HEATR5B: variants seen among roughly 807,000 people sequenced by gnomAD.
HEATR5B encodes the protein HEAT repeat containing 5B, also known as HEAT repeat-containing protein 5B.
HEATR5B carries 156 observed loss-of-function variants against 224.1 expected under a neutral mutation model. The ratio of observed to expected loss-of-function variants is 0.70; its 90% CI spans 0.61 to 0.80. The LOEUF (loss-of-function observed/expected upper bound fraction) is 0.80. Among genes scored for constraint, HEATR5B ranks in the 30% least tolerant of loss-of-function variants. The probability of loss-of-function intolerance (pLI) is 0.00; values close to 1 mark genes in which losing one functional copy is unlikely to be tolerated. For synonymous variants in HEATR5B, 1,027 were observed against 893.0 expected (o/e 1.15, Z -2.68); for missense variants, 2,323 against 2,535.5 (o/e 0.92, Z 1.80).
At chr2:36,984,218 A>AAAAAAAAAAAAAAAC (rs1665790460) in intron 35 of HEATR5B, among the ~76,000 whole-genome samples, 1 of 97,302 alleles carries the variant, frequency 1.0e-5, no homozygotes, top group Non-Finnish European at 2.1e-5. Flanking sequence ...AAAAAAAAAT[A>AAAAAAAAAAAAAAAC]TATATATATA....
At chr2:36,997,716 G>A (rs953749286) in intron 33 of HEATR5B, among the ~76,000 whole-genome samples, 7 of 152,010 alleles carry the variant, frequency 4.6e-5, no homozygotes, top group African/African-American at 7.2e-5. Context: ...ACAGGCGCCC[G>A]CCACCACGCC....
chr2:36,985,239 A>C lies in HEATR5B; in HGVS notation c.5911+3407T>G, dbSNP rs558643588. 9.2e-5 allele frequency among the ~76,000 whole-genome samples: 14 copies of C among 152,288 alleles called. No homozygotes were observed. In the East Asian group the frequency reaches 2.7e-3, roughly 29 times the overall value. ...TGATTTACATTCATTCATTTATTTGATGGTATCCTCCTAATGAGTGTCATC... is the reference window on the plus strand; with the variant it reads ...TGATTTACATTCATTCATTTATTTGCTGGTATCCTCCTAATGAGTGTCATC... On this transcript the variant is annotated intron_variant, in intron 35 of 35. Coordinates refer to ENST00000233099, the MANE Select transcript of HEATR5B (RefSeq NM_019024.3).
chr2:36,988,141 GA>G (rs534046896), intron 35 of HEATR5B, among the ~76,000 whole-genome samples: 89 of 143,916 alleles, frequency 6.2e-4, no homozygotes, highest in East Asian at 3.0e-3. Context: ...TACATTCCTA[GA>G]AAAAAAAAAA....
intron 8 of HEATR5B, among the ~76,000 whole-genome samples, chr2:37,066,843 A>G (rs1471816737): frequency 6.6e-6 from 1 of 152,158 alleles, no homozygotes; most frequent in East Asian, 1.9e-4. Flanking sequence ...AGACTAGGAT[A>G]TAATGGATTA....
At chr2:37,003,756 C>T in intron 30 of HEATR5B, 70 bp from the exon 31 acceptor site, 1 of 1,074,450 alleles carries the variant, frequency 9.3e-7, no homozygotes, top group Non-Finnish European at 1.3e-6. Context: ...TTGTTAAAAT[C>T]TGAGAAAATA....
At chr2:37,052,031 C>G (rs920603771) in intron 17 of HEATR5B, among the ~76,000 whole-genome samples, 3 of 152,206 alleles carry the variant, frequency 2.0e-5, no homozygotes, top group African/African-American at 7.2e-5. Context: ...TAAGCCACCA[C>G]GCCCAGCCCC....
intron 24 of HEATR5B, among the ~76,000 whole-genome samples, chr2:37,023,384 T>C (rs1668581397): frequency 6.6e-6 from 1 of 152,222 alleles, no homozygotes. Context: ...GAAGTTTTTG[T>C]TGTCACTGTT....
chr2:36,982,261 C>T (rs1401345600), intron 35 of HEATR5B, among the ~76,000 whole-genome samples: 1 of 151,986 alleles, frequency 6.6e-6, no homozygotes, highest in Non-Finnish European at 1.5e-5. Context: ...TTCATCATCC[C>T]CCAAAACTCA....
At chr2:37,020,335 A>T (rs1268170052) in intron 25 of HEATR5B, among the ~76,000 whole-genome samples, 2 of 152,102 alleles carry the variant, frequency 1.3e-5, no homozygotes, top group East Asian at 3.8e-4. Flanking sequence ...AATCCACAAC[A>T]CTCTTTTGAA....
At chr2:37,032,837 G>T in intron 21 of HEATR5B, 64 bp from the exon 22 acceptor site, 2 of 1,394,422 alleles carry the variant, frequency 1.4e-6, no homozygotes, top group Admixed American at 2.0e-5. Flanking sequence ...AATCTTATTT[G>T]CCCAATGAAT....
intron 29 of HEATR5B, 127 bp downstream of exon 29, chr2:37,006,923 A>G: frequency 1.2e-6 from 1 of 817,858 alleles, no homozygotes; most frequent in Non-Finnish European, 1.8e-6. Context: ...AGGTGAGGTG[A>G]AAAATCCTTT....
chr2:37,012,395 T>A (rs947997190), intron 27 of HEATR5B, among the ~76,000 whole-genome samples: 4 of 148,062 alleles, frequency 2.7e-5, no homozygotes, highest in South Asian at 2.1e-4. Flanking sequence ...ATTAATTAAA[T>A]TTTTTTTTTT....
At chr2:37,079,538 C>T (rs529065243) in intron 2 of HEATR5B, among the ~76,000 whole-genome samples, 30 of 152,148 alleles carry the variant, frequency 2.0e-4, no homozygotes, top group Admixed American at 5.2e-4. Flanking sequence ...CTCCTTCATG[C>T]TCCTCCAAAG....
At chr2:36,993,375 A>G (rs1666466768) in intron 33 of HEATR5B, among the ~76,000 whole-genome samples, 1 of 152,016 alleles carries the variant, frequency 6.6e-6, no homozygotes, top group East Asian at 1.9e-4. Flanking sequence ...CATCTCTACT[A>G]AAAATACAAA....
chr2:37,069,793 G>A (rs1019122597), intron 7 of HEATR5B, among the ~76,000 whole-genome samples: 11 of 151,916 alleles, frequency 7.2e-5, no homozygotes, highest in African/African-American at 7.3e-5. Flanking sequence ...TCATTCATTC[G>A]GTAAAAGAAA....
chr2:37,007,324 A>G lies in HEATR5B; in HGVS notation c.4523-20T>C, dbSNP rs745877279. On this transcript the variant is annotated intron_variant, in intron 28 of 35. Coordinates refer to ENST00000233099, the MANE Select transcript of HEATR5B (RefSeq NM_019024.3). The stretch of plus-strand genomic sequence containing the variant: ...CTCCACCTGTAAAGCAATCAAATCA[A>G]TTAAAAACATTACTTTTTTTTTTTT... The G allele has an allele frequency of 1.3e-6, 2 of 1,556,240 alleles. No individual in the cohort carries two copies. The highest frequency in any genetic ancestry group is 2.9e-5 in the African/African-American group (2 of 70,040).
Position 37,061,983 on chromosome 2 carries a change from C to T in HEATR5B, c.1652G>A (p.Arg551His), listed in dbSNP as rs776577638. ...AAQNSRLSLQ[R>H]TQAGWLLLGA... ...AAGTAAAAGCCAGCCAGCTTGGGTG[C>T]GCTGTAAAGATAGCCTGCTATTTTG... Residue 551 changes from arginine (R) to histidine (H), a missense_variant, in exon 11 of 36, where the codon CGC (arginine) becomes CAC (histidine). Coordinates refer to ENST00000233099, the MANE Select transcript of HEATR5B (RefSeq NM_019024.3). 21 of 1,613,560 alleles carry T rather than the reference C, an allele frequency of 1.3e-5. No individual in the cohort carries two copies. Among genetic ancestry groups the T allele is most frequent in the Non-Finnish European group, 1.5e-5 (18 of 1,179,738 alleles).
rs555916832 is a variant in HEATR5B, at chr2:37,061,312, C to T, written c.1697-579G>A. Among the ~76,000 whole-genome samples, 14 of 152,224 alleles carry T rather than the reference C, an allele frequency of 9.2e-5. No homozygotes were observed. In the East Asian group the frequency reaches 2.5e-3, roughly 27 times the overall value. The stretch of plus-strand genomic sequence containing the variant: ...ATAAACTTCTGGAAATGAGTTGCAA[C>T]TTTTTGTTTTCTTCAGAAAAGAAAA... On this transcript the variant is annotated intron_variant, in intron 11 of 35. Coordinates refer to ENST00000233099, the MANE Select transcript of HEATR5B (RefSeq NM_019024.3).
chr2:36,989,119 C>T (rs1165370489), intron 34 of HEATR5B, among the ~76,000 whole-genome samples: 1 of 152,166 alleles, frequency 6.6e-6, no homozygotes, highest in Non-Finnish European at 1.5e-5. Flanking sequence ...TGGAGTCTCG[C>T]TCTGTCGCCA....
Sources: allele counts gnomAD v4.1 joint callset (sites outside exome capture counted in the v4.1 genomes callset), GRCh38; gene constraint gnomAD v4.1.1; transcripts MANE v1.5; gene names NCBI Gene and HGNC (gene_info 2026-07-23, HGNC 2026-07-21).